Variants in MAP2K5 observed in about 807,000 individuals in gnomAD.
MAP2K5 encodes the protein dual specificity mitogen-activated protein kinase kinase 5.
A neutral mutation model predicts 83.1 loss-of-function variants in MAP2K5; 49 were observed. The observed-to-expected ratio is 0.59, with a 90% CI of 0.47 to 0.75. The LOEUF (loss-of-function observed/expected upper bound fraction) is 0.75, where lower values mean the gene tolerates loss of function less well. MAP2K5 is among the 30% of genes least tolerant of loss of function. The probability of loss-of-function intolerance (pLI) is 0.00; values close to 1 mark genes in which losing one functional copy is unlikely to be tolerated. For synonymous variants in MAP2K5, 202 were observed against 191.8 expected, an observed-to-expected ratio of 1.05 and a Z score of -0.44; for missense variants, 457 against 557.5, an observed-to-expected ratio of 0.82 and a Z score of 1.82.
rs572180933 is a variant in MAP2K5, at chr15:67,785,211, C to G, written c.1242+12459C>G. Among the ~76,000 whole-genome samples the G allele has an allele frequency of 6.6e-6, 1 of 152,314 alleles. No homozygotes were observed. Among genetic ancestry groups the G allele is most frequent in the East Asian group, 1.9e-4 (1 of 5,186 alleles). ...CCGCCTGCCTGGGCCTCTCAGAGTG[C>G]TGGGATTACAGGTGTGAGCCACCGT... is the stretch of plus-strand genomic sequence containing the variant. On this transcript the variant is annotated intron_variant, in intron 21 of 21. Coordinates refer to ENST00000178640, the MANE Select transcript of MAP2K5 (RefSeq NM_145160.3). The surrounding 1 kb of genome is among the most constrained non-coding windows in gnomAD (Gnocchi z 4.4).
chr15:67,675,334 G>A (rs529820501), intron 13 of MAP2K5, among the ~76,000 whole-genome samples: 96 of 152,292 alleles, frequency 6.3e-4, no homozygotes, highest in Non-Finnish European at 1.2e-3. Flanking sequence ...GAGTGAAAAA[G>A]CCAGTCACAA....
chr15:67,635,666 C>A (rs1596694120), intron 9 of MAP2K5, among the ~76,000 whole-genome samples: 1 of 152,074 alleles, frequency 6.6e-6, no homozygotes, highest in East Asian at 1.9e-4. Context: ...GGTATTCTTT[C>A]AGCTTTTGTA....
At position 67,738,243 on chromosome 15, in the gene MAP2K5, C is replaced by T. The variant is rs1381617443; in HGVS notation, c.1075-9988C>T. On this transcript the variant is annotated intron_variant, in intron 17 of 21. Coordinates refer to ENST00000178640, the MANE Select transcript of MAP2K5 (RefSeq NM_145160.3). This position sits in a 1 kb window ranked among gnomAD's most constrained non-coding sequence, Gnocchi z 4.1. ...AATGAAGCTTGTCTTGTTTTGTTTT[C>T]TGTTCAGAAACAAGTTGCAGAGAGC... 1.3e-5 allele frequency among the ~76,000 whole-genome samples: 2 copies of T among 152,200 alleles called. No homozygotes were observed. Among genetic ancestry groups the T allele is most frequent in the Admixed American group, 6.5e-5 (1 of 15,280 alleles).
intron 13 of MAP2K5, among the ~76,000 whole-genome samples, chr15:67,684,092 G>T (rs1356089424): frequency 6.6e-6 from 1 of 152,172 alleles, no homozygotes; most frequent in Non-Finnish European, 1.5e-5. Flanking sequence ...GCAAGAACAT[G>T]CAGAGAAAGA....
chr15:67,741,720 A>T (rs1345377744), intron 17 of MAP2K5, among the ~76,000 whole-genome samples: 3 of 152,128 alleles, frequency 2.0e-5, no homozygotes, highest in South Asian at 2.1e-4. Context: ...CAACCAAAAT[A>T]CCAACTGATC....
chr15:67,724,547 A>G lies in MAP2K5; in HGVS notation c.1045-3369A>G, dbSNP rs2089046072. On this transcript the variant is annotated intron_variant, in intron 16 of 21. Coordinates refer to ENST00000178640, the MANE Select transcript of MAP2K5 (RefSeq NM_145160.3). This position sits in a 1 kb window ranked among gnomAD's most constrained non-coding sequence, Gnocchi z 4.4. The stretch of plus-strand genomic sequence containing the variant: ...GCAGCTGTGACTACAGACACGTGCC[A>G]CCACACGCCTCTCATTTTTGTAGAG... 2.0e-5 allele frequency among the ~76,000 whole-genome samples: 3 copies of G among 152,130 alleles called. No homozygotes were observed. In the South Asian group the frequency reaches 6.2e-4, roughly 32 times the overall value.
intron 4 of MAP2K5, among the ~76,000 whole-genome samples, chr15:67,581,932 T>G (rs2085186181): frequency 6.6e-6 from 1 of 152,124 alleles, no homozygotes; most frequent in Non-Finnish European, 1.5e-5. Context: ...TTAAGGCCAG[T>G]GATAGTCCAA....
chr15:67,618,129 A>C (rs1156553890), intron 8 of MAP2K5, among the ~76,000 whole-genome samples: 2 of 152,220 alleles, frequency 1.3e-5, no homozygotes, highest in Non-Finnish European at 2.9e-5. Flanking sequence ...TACTAGACTC[A>C]TCTTTAACAT....
At chr15:67,549,961 T>C in intron 1 of MAP2K5, 73 bp from the exon 2 acceptor site, 1 of 1,094,668 alleles carries the variant, frequency 9.1e-7, no homozygotes. Flanking sequence ...TTCTCATATT[T>C]CCTGTAGGAT....
chr15:67,628,877 T>TA (rs1479790221), intron 8 of MAP2K5: 13 of 748,852 alleles, frequency 1.7e-5, no homozygotes, highest in Non-Finnish European at 3.2e-5. Flanking sequence ...TGATGGTGGA[T>TA]ATGGCGGCAG....
intron 17 of MAP2K5, among the ~76,000 whole-genome samples, chr15:67,744,765 A>G (rs1319359491): frequency 6.6e-6 from 1 of 152,264 alleles, no homozygotes; most frequent in African/African-American, 2.4e-5. Flanking sequence ...GCAAACTTCT[A>G]CATTGGCAAT....
At chr15:67,554,781 A>G (rs567892145) in intron 2 of MAP2K5, among the ~76,000 whole-genome samples, 6 of 152,330 alleles carry the variant, frequency 3.9e-5, no homozygotes, top group African/African-American at 1.2e-4. Context: ...GCCTTAGAGG[A>G]ACACACTTGT....
intron 21 of MAP2K5, among the ~76,000 whole-genome samples, chr15:67,796,372 T>C (rs2090604596): frequency 6.6e-6 from 1 of 152,198 alleles, no homozygotes; most frequent in South Asian, 2.1e-4. Context: ...GAAGCATGGC[T>C]CAGGGCATCT....
rs768244378 is a variant in MAP2K5 at position 67,743,016 on chromosome 15, A to G, written c.1075-5215A>G. Among the ~76,000 whole-genome samples, 23 of 152,208 alleles carry G rather than the reference A, an allele frequency of 1.5e-4. 1 individual carries two copies. Among genetic ancestry groups the G allele is most frequent in the South Asian group, 6.2e-4 (3 of 4,830 alleles). The stretch of plus-strand genomic sequence containing the variant: ...GCATTGTCCTTGATACTCAGGAAGC[A>G]GTGAGGCCAAGTAAACTAATTTATG... On this transcript the variant is annotated intron_variant, in intron 17 of 21. Transcript: ENST00000178640.
chr15:67,584,672 CTTTTTTTTTTTTT>C (rs36111747), intron 4 of MAP2K5, among the ~76,000 whole-genome samples: 1 of 106,104 alleles, frequency 9.4e-6, no homozygotes, highest in Non-Finnish European at 1.8e-5. Flanking sequence ...ATATCTTCTC[CTTTTTTTTTTTTT>C]TTTTTTTTTT....
At chr15:67,735,514 G>C (rs942557656) in intron 17 of MAP2K5, among the ~76,000 whole-genome samples, 1 of 152,182 alleles carries the variant, frequency 6.6e-6, no homozygotes, top group African/African-American at 2.4e-5. Context: ...GCACAAAAAT[G>C]AAACAGATGT....
At chr15:67,605,431 A>G (rs986039728) in intron 8 of MAP2K5, among the ~76,000 whole-genome samples, 8 of 152,182 alleles carry the variant, frequency 5.3e-5, no homozygotes, top group African/African-American at 1.9e-4. Flanking sequence ...CTGCCTTTAT[A>G]TTATACACAT....
chr15:67,759,890 A>G (rs868083909), intron 19 of MAP2K5, among the ~76,000 whole-genome samples: 1 of 152,254 alleles, frequency 6.6e-6, no homozygotes, highest in South Asian at 2.1e-4. Flanking sequence ...TGACTGAGGC[A>G]TTAGAAACTC....
At chr15:67,791,511 A>G (rs772958010) in intron 21 of MAP2K5, among the ~76,000 whole-genome samples, 4 of 152,210 alleles carry the variant, frequency 2.6e-5, no homozygotes, top group Admixed American at 6.5e-5. Flanking sequence ...TGGAGATCAC[A>G]TGAACTAATG....
Sources: gnomAD v4.1 joint callset for allele counts (sites outside exome capture counted in the v4.1 genomes callset) on GRCh38, gnomAD v4.1.1 for gene constraint, Gnocchi (gnomAD v3.1) non-coding constraint, MANE v1.5 for transcripts, NCBI Gene and HGNC (gene_info 2026-07-23, HGNC 2026-07-21) for gene names.